The following ATG16L2 variants were observed in gnomAD, a reference collection of about 807,000 sequenced individuals.
The protein encoded by ATG16L2 is autophagy related 16 like 2.
Under a neutral mutation model 84.7 loss-of-function variants are expected in ATG16L2, and 77 were observed. The observed-to-expected ratio is 0.91, with a 90% CI of 0.76 to 1.10. ATG16L2 has a LOEUF of 1.10. Among genes scored for constraint, ATG16L2 ranks in the 50% least tolerant of loss-of-function variants. ATG16L2 has a pLI of 0.00. For synonymous variants in ATG16L2, 361 were observed against 342.8 expected (o/e 1.05, Z -0.59); for missense variants, 782 against 817.6 (o/e 0.96, Z 0.53).
chr11:72,815,114 G>A (rs1859632282), intron 1 of ATG16L2, among the ~76,000 whole-genome samples: 1 of 152,226 alleles, frequency 6.6e-6, no homozygotes, highest in African/African-American at 2.4e-5. Flanking sequence ...GGCATCAGGG[G>A]GCCCCGGGCT....
rs368710471 is a variant in ATG16L2 at position 72,824,131 on chromosome 11, G to A, written c.887+9G>A. On this transcript the variant is annotated intron_variant, in intron 8 of 17. Transcript: ENST00000321297. ...GTGAAGGGGCTTCTGGAGTAAGTGT[G>A]TGTGTGCCTGTGTGTGCACCCACGT... is the stretch of plus-strand genomic sequence containing the variant. 8 of 1,614,064 alleles carry A rather than the reference G, an allele frequency of 5.0e-6. No homozygotes were observed. The African/African-American group carries it at 5.3e-5, about 11-fold the overall frequency.
chr11:72,821,002 C>T (rs1859962648), intron 3 of ATG16L2, among the ~76,000 whole-genome samples: 1 of 152,208 alleles, frequency 6.6e-6, no homozygotes, highest in Admixed American at 6.5e-5. Context: ...CCTCTCGCTG[C>T]TGAGACCTGT....
In ATG16L2 at chr11:72,822,457, G is replaced by A; in HGVS notation, c.645-21G>A. On this transcript the variant is annotated intron_variant, in intron 5 of 17. Coordinates refer to ENST00000321297, the MANE Select transcript of ATG16L2 (RefSeq NM_033388.2). This position sits in a 1 kb window ranked among gnomAD's most constrained non-coding sequence, Gnocchi z 4.2. Reference sequence around the variant, plus strand: ...TGCGAGGCGCCGCGCCAGGGTCTCAGGATGCTTTTTACCCAACAAGGGCCA... The same window carrying A: ...TGCGAGGCGCCGCGCCAGGGTCTCAAGATGCTTTTTACCCAACAAGGGCCA... 6.2e-7 allele frequency: 1 copy of A among 1,612,868 alleles called. No individual in the cohort carries two copies. The highest frequency in any genetic ancestry group is 1.1e-5 in the South Asian group (1 of 91,014).
In ATG16L2 at chr11:72,822,337, C is replaced by A; in HGVS notation, c.644+42C>A. 6.5e-7 allele frequency: 1 copy of A among 1,538,108 alleles called. No homozygotes were observed. Among genetic ancestry groups the A allele is most frequent in the Non-Finnish European group, 8.7e-7 (1 of 1,145,026 alleles). On this transcript the variant is annotated intron_variant, in intron 5 of 17. Coordinates refer to ENST00000321297, the MANE Select transcript of ATG16L2 (RefSeq NM_033388.2). The surrounding 1 kb of genome is among the most constrained non-coding windows in gnomAD (Gnocchi z 4.2). The stretch of plus-strand genomic sequence containing the variant: ...CGCCCCTCCTGAGGAAAGGCCCCGC[C>A]CCTGCAGGGAGGAGTCGGGCCTCGC...
chr11:72,822,374 A>C lies in ATG16L2; in HGVS notation c.644+79A>C. On this transcript the variant is annotated intron_variant, in intron 5 of 17. Coordinates refer to ENST00000321297, the MANE Select transcript of ATG16L2 (RefSeq NM_033388.2). The surrounding 1 kb of genome is among the most constrained non-coding windows in gnomAD (Gnocchi z 4.2). The stretch of plus-strand genomic sequence containing the variant: ...GAGTCGGGCCTCGCCGGTGTCTGGA[A>C]GGGAGGGGGGCAGCAGCCGCCCCCT... 1 of 1,577,628 alleles carries C rather than the reference A, an allele frequency of 6.3e-7. No individual in the cohort carries two copies. The highest frequency in any genetic ancestry group is 1.4e-5 in the African/African-American group (1 of 73,932).
In ATG16L2 at chr11:72,822,303, A is replaced by G. The variant is rs1388105627; in HGVS notation, c.644+8A>G. ...CAACGAGCGCCGGGAGCGGTGAGGG[A>G]GCAGGCCCCGCCCCTCCTGAGGAAA... On this transcript the variant is annotated splice_region_variant and intron_variant, in intron 5 of 17. Transcript: ENST00000321297. This position sits in a 1 kb window ranked among gnomAD's most constrained non-coding sequence, Gnocchi z 4.2. 9 of 1,515,470 alleles carry G rather than the reference A, an allele frequency of 5.9e-6. No individual in the cohort carries two copies. The highest frequency in any genetic ancestry group is 7.9e-6 in the Non-Finnish European group (9 of 1,139,482). 93.9% of individuals were successfully genotyped at this position (1,515,470 alleles called of 1,614,324 possible). A position where few individuals can be genotyped will look rare whatever the true frequency, so the allele number is the denominator to read the frequency against.
downstream of ATG16L2, among the ~76,000 whole-genome samples, chr11:72,831,521 C>A (rs893396812): frequency 6.6e-6 from 1 of 152,186 alleles, no homozygotes; most frequent in African/African-American, 2.4e-5. Context: ...CAACAAAATT[C>A]TCTTATTCAA....
rs1860337373 is a variant in ATG16L2 at position 72,826,167 on chromosome 11, TC to T, written c.1103-3del. 1.2e-6 allele frequency: 2 copies of T among 1,612,066 alleles called. No individual in the cohort carries two copies. Among genetic ancestry groups the T allele is most frequent in the Admixed American group, 1.7e-5 (1 of 59,920 alleles). On this transcript the variant is annotated splice_polypyrimidine_tract_variant and splice_region_variant and intron_variant, in intron 10 of 17. Coordinates refer to ENST00000321297, the MANE Select transcript of ATG16L2 (RefSeq NM_033388.2). ...TTTCAACTGTCCCTTCCCCTGGTCC[TC>T]CCAGGTCGCCTGGAGGCCAACCAGA...
At chr11:72,824,546 C>T in intron 8 of ATG16L2, 188 bp from the exon 9 acceptor site, 1 of 613,700 alleles carries the variant, frequency 1.6e-6, no homozygotes, top group South Asian at 1.9e-5. Context: ...CTGTGTGCTC[C>T]CCACCCCGTC....
chr11:72,817,729 T>C (rs1343207761), intron 2 of ATG16L2, 27 bp from the exon 3 acceptor site: 4 of 1,611,574 alleles, frequency 2.5e-6, no homozygotes, highest in East Asian at 2.2e-5. Flanking sequence ...CCGGGGGACA[T>C]TGAGCACCAC....
In ATG16L2 at chr11:72,822,437, G is replaced by GGCGCC; in HGVS notation, c.645-35_645-31dup. ...CGGGTCTAGCCCCGCCTGCGTGCGA[G>GGCGCC]GCGCCGCGCCAGGGTCTCAGGATGC... On this transcript the variant is annotated intron_variant, in intron 5 of 17. Coordinates refer to ENST00000321297, the MANE Select transcript of ATG16L2 (RefSeq NM_033388.2). The surrounding 1 kb of genome is among the most constrained non-coding windows in gnomAD (Gnocchi z 4.2). The GGCGCC allele has an allele frequency of 1.2e-6, 2 of 1,611,416 alleles. No individual in the cohort carries two copies. The highest frequency in any genetic ancestry group is 1.1e-5 in the South Asian group (1 of 90,920).
intron 10 of ATG16L2, 30 bp downstream of exon 10, chr11:72,825,437 G>A (rs756572086): frequency 2.5e-6 from 4 of 1,570,788 alleles, no homozygotes; most frequent in Non-Finnish European, 3.5e-6. Context: ...CGGCCAACTT[G>A]GTGCTTCTCT....
At position 72,822,642 on chromosome 11, in the gene ATG16L2, G is replaced by A; in HGVS notation, c.710+99G>A. 1 of 1,474,632 alleles carries A rather than the reference G, an allele frequency of 6.8e-7. No individual in the cohort carries two copies. The highest frequency in any genetic ancestry group is 9.2e-7 in the Non-Finnish European group (1 of 1,088,752). 91.3% of individuals were successfully genotyped at this position (1,474,632 alleles called of 1,614,324 possible). On this transcript the variant is annotated intron_variant, in intron 6 of 17. Coordinates refer to ENST00000321297, the MANE Select transcript of ATG16L2 (RefSeq NM_033388.2). The surrounding 1 kb of genome is among the most constrained non-coding windows in gnomAD (Gnocchi z 4.2). The stretch of plus-strand genomic sequence containing the variant: ...GCCGACTGTACTTGTGCACAGCCCC[G>A]TCCTGAGGCCCCCATGTGGTCGGAG...
intron 5 of ATG16L2, chr11:72,841,558 G>C: frequency 1.2e-6 from 2 of 1,610,102 alleles, no homozygotes; most frequent in South Asian, 2.2e-5. Context: ...AGGCAGGGAG[G>C]CGTGTGGCTT....
At chr11:72,829,909 AG>A (rs1283029830), downstream of ATG16L2, among the ~76,000 whole-genome samples, 6 of 152,306 alleles carry the variant, frequency 3.9e-5, no homozygotes, top group East Asian at 1.2e-3. Flanking sequence ...TCAGGCACTC[AG>A]GGTAGACTGA....
chr11:72,828,334 C>T (rs1299198778), intron 14 of ATG16L2, 25 bp from the exon 15 acceptor site: 3 of 1,613,594 alleles, frequency 1.9e-6, no homozygotes, highest in Non-Finnish European at 2.5e-6. Flanking sequence ...TGTTCCTCAT[C>T]CCTGTCTCTG....
chr11:72,823,009 C>A, intron 7 of ATG16L2, 48 bp downstream of exon 7: 1 of 1,345,516 alleles, frequency 7.4e-7, no homozygotes. Flanking sequence ...AGCCCCACCC[C>A]AGAGGCTGCC....
intron 5 of ATG16L2, chr11:72,838,739 A>C (rs1245845287): frequency 5.7e-5 from 85 of 1,494,726 alleles, no homozygotes; most frequent in Non-Finnish European, 7.7e-5. Context: ...AAGACTGGCC[A>C]AACTCCAAGC....
In ATG16L2 at chr11:72,822,489, CGCGGGTGTCCCAGGA is replaced by C; in HGVS notation, c.659_673del (p.Arg220_Glu224del). 6.2e-7 allele frequency: 1 copy of C among 1,612,968 alleles called. No homozygotes were observed. The highest frequency in any genetic ancestry group is 8.5e-7 in the Non-Finnish European group (1 of 1,179,516). ...TTTTACCCAACAAGGGCCAAGCAGG[CGCGGGTGTCCCAGGA>C]GCTGAAGAAGGCTGCCAAGCGGACC... On this transcript the variant is annotated inframe_deletion, in exon 6 of 18. Transcript: ENST00000321297. The surrounding 1 kb of genome is among the most constrained non-coding windows in gnomAD (Gnocchi z 4.2).
Sources: gnomAD v4.1 joint callset for allele counts (sites outside exome capture counted in the v4.1 genomes callset) on GRCh38, gnomAD v4.1.1 for gene constraint, Gnocchi (gnomAD v3.1) non-coding constraint, MANE v1.5 for transcripts, NCBI Gene and HGNC (gene_info 2026-07-23, HGNC 2026-07-21) for gene names.